RAF1: variants seen among roughly 807,000 people sequenced by gnomAD.
RAF1 encodes the protein RAF proto-oncogene serine/threonine-protein kinase.
In RAF1, 27 loss-of-function variants were observed where a neutral mutation model predicts 81.1. That is an observed-to-expected ratio of 0.33 (90% CI 0.25 to 0.46). The LOEUF (loss-of-function observed/expected upper bound fraction) is 0.46. RAF1 is among the 20% of genes least tolerant of loss of function. The probability of loss-of-function intolerance (pLI) is 1.00; values close to 1 mark genes in which losing one functional copy is unlikely to be tolerated. For synonymous variants in RAF1, 298 were observed against 294.0 expected, an observed-to-expected ratio of 1.01 and a Z score of -0.14; for missense variants, 598 against 826.0, an observed-to-expected ratio of 0.72 and a Z score of 3.38.
chr3:12,660,875 T>G (rs2060853770), intron 1 of RAF1, among the ~76,000 whole-genome samples: 1 of 152,112 alleles, frequency 6.6e-6, no homozygotes, highest in Non-Finnish European at 1.5e-5. Context: ...CTCAGGAGGC[T>G]GAGGCAGGAG....
chr3:12,636,957 T>C (rs2060050888), intron 1 of RAF1, among the ~76,000 whole-genome samples: 1 of 152,194 alleles, frequency 6.6e-6, no homozygotes, highest in African/African-American at 2.4e-5. Flanking sequence ...GAAATCCAGC[T>C]TCACTACTTG....
At position 12,606,307 on chromosome 3, in the gene RAF1, A is replaced by C; in HGVS notation, c.582-8T>G. ...GTGGAATTTGGAAACAATCTAAACA[A>C]AAGCAGGGAAAGACTGGTTTTTAGG... On this transcript the variant is annotated splice_polypyrimidine_tract_variant and splice_region_variant and intron_variant, in intron 5 of 17. Coordinates refer to ENST00000442415, the MANE Select transcript of RAF1 (RefSeq NM_001354689.3). 6.3e-7 allele frequency: 1 copy of C among 1,594,626 alleles called. No individual in the cohort carries two copies. Among genetic ancestry groups the C allele is most frequent in the Non-Finnish European group, 8.6e-7 (1 of 1,162,996 alleles).
intron 1 of RAF1, among the ~76,000 whole-genome samples, chr3:12,624,152 C>T (rs919428139): frequency 2.6e-5 from 4 of 152,088 alleles, no homozygotes; most frequent in African/African-American, 9.7e-5. Flanking sequence ...CTGCACCCGG[C>T]CTTCCTAACC....
rs575192790 is a variant in RAF1, at chr3:12,608,711, A to G, written c.581+55T>C. On this transcript the variant is annotated intron_variant, in intron 5 of 17. Transcript: ENST00000442415. ...TCAAAATCTACAACAAATACCCTTT[A>G]AAGTATGTATACTCCTCATCCCTAT... 4.2e-5 allele frequency: 66 copies of G among 1,568,840 alleles called. 2 individuals carry two copies. The South Asian group carries it at 6.8e-4, about 16-fold the overall frequency.
At chr3:12,618,411 T>TAAATGAC (rs1333512046) in intron 2 of RAF1, 104 bp downstream of exon 2, 1 of 1,231,600 alleles carries the variant, frequency 8.1e-7, no homozygotes, top group East Asian at 2.3e-5. Flanking sequence ...ATAAAGACCC[T>TAAATGAC]AAATGACAAT....
At chr3:12,597,713 G>A (rs867234466) in intron 11 of RAF1, among the ~76,000 whole-genome samples, 2 of 151,950 alleles carry the variant, frequency 1.3e-5, no homozygotes, top group Non-Finnish European at 1.5e-5. Context: ...TCATGATTTC[G>A]AGACCAGTCT....
intron 11 of RAF1, among the ~76,000 whole-genome samples, chr3:12,593,177 G>A (rs369451871): frequency 2.1e-5 from 3 of 142,042 alleles, no homozygotes; most frequent in South Asian, 2.3e-4. Flanking sequence ...TGCAACCTCC[G>A]CAAGCGATTC....
intron 1 of RAF1, among the ~76,000 whole-genome samples, chr3:12,636,443 T>TTA (rs1553620597): frequency 1.4e-5 from 2 of 141,744 alleles, no homozygotes; most frequent in Non-Finnish European, 3.0e-5. Flanking sequence ...TGTATATCTT[T>TTA]AAAAAAAAAA....
chr3:12,651,045 C>T (rs1223889127), intron 1 of RAF1, among the ~76,000 whole-genome samples: 1 of 152,172 alleles, frequency 6.6e-6, no homozygotes, highest in African/African-American at 2.4e-5. Context: ...TACAGCCTTT[C>T]TTATTACATA....
At chr3:12,609,359 T>C (rs1288827239) in intron 3 of RAF1, 24 bp from the exon 4 acceptor site, 1 of 1,508,468 alleles carries the variant, frequency 6.6e-7, no homozygotes, top group African/African-American at 1.4e-5. Context: ...AAAAAAAACA[T>C]GAAATGTTTA....
At chr3:12,590,001 G>A (rs1307469620) in intron 13 of RAF1, 2 of 151,876 alleles carry the variant, frequency 1.3e-5, no homozygotes, top group Non-Finnish European at 2.9e-5. Flanking sequence ...ACATTGGCCA[G>A]GCTGGTTTCG....
At chr3:12,661,748 G>A (rs1467481208) in intron 1 of RAF1, among the ~76,000 whole-genome samples, 1 of 152,062 alleles carries the variant, frequency 6.6e-6, no homozygotes, top group Non-Finnish European at 1.5e-5. Flanking sequence ...ATTAGTAGGA[G>A]AGTGTTCTAC....
chr3:12,608,380 T>C (rs1021042469), intron 5 of RAF1: 6 of 176,904 alleles, frequency 3.4e-5, no homozygotes, highest in African/African-American at 7.1e-5. Context: ...TCCTTCTCAA[T>C]GTCAAAGGCT....
chr3:12,655,008 C>CA (rs1553624759), intron 1 of RAF1, among the ~76,000 whole-genome samples: 6 of 149,288 alleles, frequency 4.0e-5, no homozygotes, highest in African/African-American at 1.5e-4. Context: ...AGACCCCCCC[C>CA]CCGCCATCTC....
chr3:12,619,687 C>A (rs2059494735), intron 1 of RAF1, among the ~76,000 whole-genome samples: 1 of 151,846 alleles, frequency 6.6e-6, no homozygotes, highest in Non-Finnish European at 1.5e-5. Context: ...GTGTGAGCAA[C>A]ACATTAGTAC....
rs1162370568 is a variant in RAF1, at chr3:12,590,827, G to A, written c.1401C>T (p.Asp467=). The A allele has an allele frequency of 6.2e-7, 1 of 1,613,828 alleles. No homozygotes were observed. Residue 467 remains aspartate (D), a synonymous_variant, in exon 13 of 18, where the codon GAC becomes GAT. Transcript: ENST00000442415. ...TTCCCTGAGCCGTCTGCCGGGCAAT[G>A]TCAATTAGCTGGAACATCTGAAACT...
intron 1 of RAF1, among the ~76,000 whole-genome samples, chr3:12,622,214 G>A (rs190616272): frequency 6.2e-4 from 94 of 152,232 alleles, no homozygotes; most frequent in Non-Finnish European, 1.2e-3. Flanking sequence ...AAAAGATGGA[G>A]GAGCTTAAGA....
chr3:12,655,133 A>G (rs1000821143), intron 1 of RAF1, among the ~76,000 whole-genome samples: 2 of 152,158 alleles, frequency 1.3e-5, no homozygotes, highest in Non-Finnish European at 2.9e-5. Flanking sequence ...ACTCTTGTGG[A>G]GTGCAATGGC....
intron 6 of RAF1, 69 bp from the exon 7 acceptor site, chr3:12,604,358 T>C (rs1382266613): frequency 1.3e-6 from 2 of 1,526,558 alleles, no homozygotes; most frequent in Non-Finnish European, 1.8e-6. Flanking sequence ...TTCAAGTACA[T>C]ATTTGACTAA....
Sources: gnomAD v4.1 joint callset for allele counts (sites outside exome capture counted in the v4.1 genomes callset) on GRCh38, gnomAD v4.1.1 for gene constraint, MANE v1.5 for transcripts, NCBI Gene and HGNC (gene_info 2026-07-23, HGNC 2026-07-21) for gene names.